TBC1D4: variants seen among roughly 807,000 people sequenced by gnomAD.
TBC1D4 encodes TBC (Tre-2, BUB2, CDC16) domain-containing protein.
Under a neutral mutation model 142.5 loss-of-function variants are expected in TBC1D4, and 121 were observed. That is an observed-to-expected ratio of 0.85 (90% CI 0.73 to 0.99). TBC1D4 has a LOEUF of 0.99. Ranked by LOEUF, TBC1D4 falls within the 50% of genes least tolerant of loss-of-function variation. TBC1D4 has a pLI of 0.00. For synonymous variants in TBC1D4, 630 were observed against 628.2 expected, an observed-to-expected ratio of 1.00 and a Z score of -0.04; for missense variants, 1,475 against 1,606.6, an observed-to-expected ratio of 0.92 and a Z score of 1.40.
At chr13:75,427,893 A>G (rs1231677307) in intron 1 of TBC1D4, among the ~76,000 whole-genome samples, 4 of 152,218 alleles carry the variant, frequency 2.6e-5, no homozygotes, top group Non-Finnish European at 4.4e-5. Context: ...TCATGAATTC[A>G]TTTTGTGAAC....
chr13:75,362,245 A>AGGCT lies in TBC1D4; in HGVS notation c.857_860dup (p.Leu289CysfsTer11), dbSNP rs754653325. 6.2e-7 allele frequency: 1 copy of AGGCT among 1,613,840 alleles called. No homozygotes were observed. The highest frequency in any genetic ancestry group is 2.2e-5 in the East Asian group (1 of 44,870). On this transcript the variant is annotated frameshift_variant, in exon 2 of 21. Transcript: ENST00000377636. LOFTEE classifies it high-confidence loss of function. This position sits in a 1 kb window ranked among gnomAD's most constrained non-coding sequence, Gnocchi z 4.2. Reference sequence around the variant, plus strand: ...AGCAGACCCGAGAGCTGGTCAGGGCAGGCTGGCTGGCCCCGGCAGGTAAGC... The same window carrying AGGCT: ...AGCAGACCCGAGAGCTGGTCAGGGCAGGCTGGCTGGCTGGCCCCGGCAGGTAAGC...
At chr13:75,299,706 C>T (rs1387795945) in intron 16 of TBC1D4, 132 bp from the exon 17 acceptor site, 16 of 1,113,450 alleles carry the variant, frequency 1.4e-5, no homozygotes, top group Non-Finnish European at 1.8e-5. Context: ...TGCTTAGAGT[C>T]ACCATGTAAC....
intron 1 of TBC1D4, among the ~76,000 whole-genome samples, chr13:75,408,678 A>G (rs1885453911): frequency 6.6e-6 from 1 of 152,196 alleles, no homozygotes; most frequent in Non-Finnish European, 1.5e-5. Flanking sequence ...ACCATTTTAC[A>G]TTCCCACCAA....
rs540383117 is a variant in TBC1D4 at position 75,434,974 on chromosome 13, C to T, written c.498+46296G>A. On this transcript the variant is annotated intron_variant, in intron 1 of 20. Transcript: ENST00000377636. ...ATTGGCCTGGCCAACATGGCAAAAC[C>T]CTGTCTCTGCTAAAAATACAAAAAT... Among the ~76,000 whole-genome samples, 6 of 150,178 alleles carry T rather than the reference C, an allele frequency of 4.0e-5. No homozygotes were observed. In the South Asian group the frequency reaches 1.3e-3, roughly 32 times the overall value.
chr13:75,326,656 A>G (rs1355697118), intron 9 of TBC1D4, among the ~76,000 whole-genome samples: 1 of 152,248 alleles, frequency 6.6e-6, no homozygotes, highest in African/African-American at 2.4e-5. Context: ...TTATCTTTGG[A>G]TAAGCAGCTG....
intron 19 of TBC1D4, among the ~76,000 whole-genome samples, chr13:75,290,426 C>G (rs1304172075): frequency 6.6e-6 from 1 of 152,046 alleles, no homozygotes; most frequent in Non-Finnish European, 1.5e-5. Context: ...CCTATAAATT[C>G]TACTCATTAA....
chr13:75,455,169 A>G (rs1158926311), intron 1 of TBC1D4, among the ~76,000 whole-genome samples: 1 of 152,158 alleles, frequency 6.6e-6, no homozygotes, highest in Non-Finnish European at 1.5e-5. Flanking sequence ...ACCATCCTCT[A>G]AATAAGTCGA....
chr13:75,321,363 T>C (rs1878763195), intron 11 of TBC1D4, among the ~76,000 whole-genome samples: 1 of 152,042 alleles, frequency 6.6e-6, no homozygotes. Context: ...CCCTAAAGTA[T>C]TAAGAGTAAA....
At chr13:75,455,363 C>T (rs562511124) in intron 1 of TBC1D4, among the ~76,000 whole-genome samples, 2 of 151,502 alleles carry the variant, frequency 1.3e-5, no homozygotes, top group East Asian at 1.9e-4. Context: ...TACTATACAA[C>T]GATTATAATT....
At chr13:75,366,239 C>G (rs548501574) in intron 1 of TBC1D4, among the ~76,000 whole-genome samples, 1 of 152,286 alleles carries the variant, frequency 6.6e-6, no homozygotes, top group African/African-American at 2.4e-5. Context: ...CTCAACCAAA[C>G]TAGGGACTGA....
intron 1 of TBC1D4, among the ~76,000 whole-genome samples, chr13:75,460,659 G>A (rs901506737): frequency 2.0e-5 from 3 of 152,116 alleles, no homozygotes; most frequent in Non-Finnish European, 4.4e-5. Flanking sequence ...AGTGGTTCAC[G>A]TCTGTAATCC....
At chr13:75,393,646 C>A (rs773080127) in intron 1 of TBC1D4, among the ~76,000 whole-genome samples, 6 of 152,048 alleles carry the variant, frequency 3.9e-5, no homozygotes, top group Non-Finnish European at 5.9e-5. Flanking sequence ...ATAAAAAAAT[C>A]TTTGGCTGGG....
intron 1 of TBC1D4, among the ~76,000 whole-genome samples, chr13:75,479,987 G>A (rs1184006684): frequency 6.7e-6 from 1 of 149,256 alleles, no homozygotes; most frequent in Non-Finnish European, 1.5e-5. Context: ...AGCCGAGATC[G>A]CACCACTGCG....
intron 1 of TBC1D4, among the ~76,000 whole-genome samples, chr13:75,450,607 C>T (rs1418777020): frequency 6.6e-6 from 1 of 152,156 alleles, no homozygotes; most frequent in Non-Finnish European, 1.5e-5. Flanking sequence ...TGACAATATG[C>T]AGAGAATACT....
At chr13:75,329,768 T>C (rs556167063) in intron 8 of TBC1D4, among the ~76,000 whole-genome samples, 2 of 152,212 alleles carry the variant, frequency 1.3e-5, no homozygotes, top group South Asian at 4.1e-4. Flanking sequence ...ATTTCACTAA[T>C]AGTTCGGCTG....
intron 1 of TBC1D4, among the ~76,000 whole-genome samples, chr13:75,370,573 T>C (rs1190294528): frequency 6.6e-6 from 1 of 151,928 alleles, no homozygotes; most frequent in Non-Finnish European, 1.5e-5. Context: ...CAATGTGAGG[T>C]CCAGGAGAAG....
chr13:75,461,492 C>T (rs1887964006), intron 1 of TBC1D4, among the ~76,000 whole-genome samples: 1 of 152,192 alleles, frequency 6.6e-6, no homozygotes, highest in Non-Finnish European at 1.5e-5. Context: ...AACTTTCTAG[C>T]TGTACCAAAA....
At chr13:75,385,539 C>T (rs934630194) in intron 1 of TBC1D4, among the ~76,000 whole-genome samples, 2 of 152,178 alleles carry the variant, frequency 1.3e-5, no homozygotes, top group East Asian at 3.8e-4. Flanking sequence ...TGATAACAGC[C>T]TCTGCGTGAC....
intron 1 of TBC1D4, among the ~76,000 whole-genome samples, chr13:75,416,064 T>C (rs1009651325): frequency 3.3e-5 from 5 of 152,208 alleles, no homozygotes; most frequent in African/African-American, 1.2e-4. Context: ...CATAACAAAG[T>C]TTAGCAAATT....
Sources: allele counts gnomAD v4.1 joint callset (sites outside exome capture counted in the v4.1 genomes callset), GRCh38; gene constraint gnomAD v4.1.1; non-coding constraint Gnocchi (gnomAD v3.1); transcripts MANE v1.5; gene names NCBI Gene and HGNC (gene_info 2026-07-23, HGNC 2026-07-21).